The following TSPEAR variants were observed in gnomAD, a reference collection of about 807,000 sequenced individuals.
TSPEAR encodes the protein thrombospondin-type laminin G domain and EAR repeat-containing protein.
TSPEAR carries 69 observed loss-of-function variants against 71.6 expected under a neutral mutation model. The observed-to-expected ratio is 0.96, with a 90% CI of 0.79 to 1.18. TSPEAR has a LOEUF of 1.18. TSPEAR is among the 50% of genes most tolerant of loss of function. TSPEAR has a pLI of 0.00. For synonymous variants in TSPEAR, 402 were observed against 387.2 expected (o/e 1.04, Z -0.45); for missense variants, 971 against 894.9 (o/e 1.09, Z -1.09).
At chr21:44,627,197 G>C (rs1555934550) in intron 1 of TSPEAR, 5 of 1,612,718 alleles carry the variant, frequency 3.1e-6, no homozygotes, top group Non-Finnish European at 4.2e-6. Context: ...ATGTCCATCC[G>C]CTCCAGCGCT....
At chr21:44,702,272 G>A (rs1289326049) in intron 1 of TSPEAR, 21 of 1,607,614 alleles carry the variant, frequency 1.3e-5, no homozygotes, top group Non-Finnish European at 1.7e-5. Context: ...CCGGAGAGCT[G>A]CTGCGAGCCC....
At chr21:44,571,155 A>G (rs9637184) in intron 1 of TSPEAR, among the ~76,000 whole-genome samples, 35,278 of 152,254 alleles carry the variant, frequency 0.23, 4,491 homozygotes, top group East Asian at 0.41. Context: ...AATAAGAGAA[A>G]ACTACAGACC....
At chr21:44,651,036 C>T (rs1984757308) in intron 1 of TSPEAR, among the ~76,000 whole-genome samples, 2 of 152,140 alleles carry the variant, frequency 1.3e-5, no homozygotes, top group African/African-American at 2.4e-5. Context: ...TCAGGCTCTG[C>T]AGTAGAACCT....
chr21:44,635,099 C>A (rs373029909), intron 1 of TSPEAR, among the ~76,000 whole-genome samples: 3 of 152,084 alleles, frequency 2.0e-5, no homozygotes, highest in African/African-American at 7.2e-5. Context: ...AATCCCAGCA[C>A]TTTGGGAGGC....
At chr21:44,590,042 G>A (rs1483997146) in intron 1 of TSPEAR, among the ~76,000 whole-genome samples, 1 of 152,136 alleles carries the variant, frequency 6.6e-6, no homozygotes, top group Non-Finnish European at 1.5e-5. Flanking sequence ...CCGGCCCTGG[G>A]GACGGCTGCT....
intron 1 of TSPEAR, among the ~76,000 whole-genome samples, chr21:44,592,749 C>G (rs140607459): frequency 6.6e-6 from 1 of 152,224 alleles, no homozygotes; most frequent in Middle Eastern, 3.4e-3. Context: ...CAGCTGGGTT[C>G]GGGGAGCTGG....
At chr21:44,579,437 C>T (rs1295764942) in intron 1 of TSPEAR, 8 of 477,812 alleles carry the variant, frequency 1.7e-5, no homozygotes, top group Non-Finnish European at 2.6e-5. Context: ...TCCCCAGGAG[C>T]ACTACAGAAA....
chr21:44,666,674 C>T, intron 1 of TSPEAR: 1 of 1,613,252 alleles, frequency 6.2e-7, no homozygotes, highest in East Asian at 2.2e-5. Flanking sequence ...ACACAGCTGA[C>T]TTGAAGCTCA....
At chr21:44,626,418 G>T (rs1226198638) in intron 1 of TSPEAR, among the ~76,000 whole-genome samples, 3 of 152,232 alleles carry the variant, frequency 2.0e-5, no homozygotes, top group African/African-American at 4.8e-5. Flanking sequence ...ACACGGAGGA[G>T]ATGGCTCCAG....
chr21:44,597,496 G>A (rs1232298162), intron 1 of TSPEAR, among the ~76,000 whole-genome samples: 4 of 149,926 alleles, frequency 2.7e-5, no homozygotes, highest in South Asian at 4.2e-4. Context: ...GCAGTGGTGC[G>A]ATCTCGGCTC....
chr21:44,594,758 T>G (rs1486849932), intron 1 of TSPEAR, among the ~76,000 whole-genome samples: 1 of 152,014 alleles, frequency 6.6e-6, no homozygotes, highest in Non-Finnish European at 1.5e-5. Context: ...ATGGCTTTCT[T>G]GCAGGCTGTG....
intron 1 of TSPEAR, among the ~76,000 whole-genome samples, chr21:44,631,800 A>G (rs587764434): frequency 6.6e-6 from 1 of 152,328 alleles, no homozygotes; most frequent in South Asian, 2.1e-4. Context: ...CAAACATACC[A>G]ACAGCACACT....
At chr21:44,601,347 C>G (rs377763006) in intron 1 of TSPEAR, 158 of 1,613,156 alleles carry the variant, frequency 9.8e-5, no homozygotes, top group Non-Finnish European at 1.3e-4. Context: ...GTGTGCCCAC[C>G]TGCTCTGATG....
At position 44,674,444 on chromosome 21, in the gene TSPEAR, C is replaced by A. The variant is rs150459915; in HGVS notation, c.82+36989G>T. On this transcript the variant is annotated intron_variant, in intron 1 of 11. Transcript: ENST00000323084. ...ATACAAAAGATCATCTGGCTGGGCA[C>A]GGTGACTCATGTCTGTAATCCTAGC... Among the ~76,000 whole-genome samples the A allele has an allele frequency of 1.1e-4, 17 of 152,062 alleles. 1 individual carries two copies. Among genetic ancestry groups the A allele is most frequent in the Admixed American group, 1.1e-3 (17 of 15,258 alleles).
chr21:44,549,775 G>A (rs1280586680), intron 2 of TSPEAR, among the ~76,000 whole-genome samples: 2 of 152,240 alleles, frequency 1.3e-5, no homozygotes, highest in Non-Finnish European at 2.9e-5. Flanking sequence ...CACTTCCTCT[G>A]CCATTGGGGC....
In TSPEAR at chr21:44,533,670, C is replaced by T. The variant is rs587599565; in HGVS notation, c.542+15G>A. The T allele has an allele frequency of 1.4e-4, 222 of 1,592,484 alleles. No individual in the cohort carries two copies. The highest frequency in any genetic ancestry group is 1.3e-3 in the East Asian group (56 of 44,482). Reference sequence around the variant, plus strand: ...CTGAGGACTGCAGGTGCACCCTCCCCGGGTGGGTACCTACATGTCCACCGG... The same window carrying T: ...CTGAGGACTGCAGGTGCACCCTCCCTGGGTGGGTACCTACATGTCCACCGG... On this transcript the variant is annotated intron_variant, in intron 3 of 11. Coordinates refer to ENST00000323084, the MANE Select transcript of TSPEAR (RefSeq NM_144991.3).
intron 1 of TSPEAR, among the ~76,000 whole-genome samples, chr21:44,585,149 T>C (rs1979256788): frequency 6.6e-6 from 1 of 152,178 alleles, no homozygotes; most frequent in African/African-American, 2.4e-5. Flanking sequence ...TCAGAAAGCG[T>C]CATGGGTGGT....
rs145982752 is a variant in TSPEAR at position 44,529,986 on chromosome 21, G to A, written c.634-32C>T. On this transcript the variant is annotated intron_variant, in intron 4 of 11. Coordinates refer to ENST00000323084, the MANE Select transcript of TSPEAR (RefSeq NM_144991.3). ...AGAGAGGGACAGCTCCTTCAGGCCCGCGCTGCTGGGGAAGGACCCGCTGAG... is the reference window on the plus strand; with the variant it reads ...AGAGAGGGACAGCTCCTTCAGGCCCACGCTGCTGGGGAAGGACCCGCTGAG... 2.4e-4 allele frequency: 372 copies of A among 1,532,512 alleles called. 1 individual carries two copies. In the African/African-American group the frequency reaches 2.9e-3, roughly 12 times the overall value. The allele number at this position is 1,532,512 out of a possible 1,614,324, so 94.9% of individuals were successfully genotyped here.
intron 5 of TSPEAR, 130 bp from the exon 6 acceptor site, chr21:44,528,713 A>C: frequency 1.6e-6 from 2 of 1,245,672 alleles, no homozygotes; most frequent in Non-Finnish European, 2.2e-6. Flanking sequence ...GGGCCCCTGC[A>C]GGCACCTTGG....
Sources: gnomAD v4.1 joint callset for allele counts (sites outside exome capture counted in the v4.1 genomes callset) on GRCh38, gnomAD v4.1.1 for gene constraint, MANE v1.5 for transcripts, NCBI Gene and HGNC (gene_info 2026-07-23, HGNC 2026-07-21) for gene names.